The following HS3ST5 variants were observed in gnomAD, a reference collection of about 807,000 sequenced individuals.
The protein encoded by HS3ST5 is heparan sulfate-glucosamine 3-sulfotransferase 5, also known as heparan sulfate glucosamine 3-O-sulfotransferase 5.
HS3ST5 carries 10 observed loss-of-function variants against 25.4 expected under a neutral mutation model. The ratio of observed to expected loss-of-function variants is 0.39; its 90% CI spans 0.24 to 0.67. The LOEUF (loss-of-function observed/expected upper bound fraction) is 0.67, where lower values mean the gene tolerates loss of function less well. Ranked by LOEUF, HS3ST5 falls within the 30% of genes least tolerant of loss-of-function variation. The pLI is 0.44. For synonymous variants in HS3ST5, 170 were observed against 162.4 expected (o/e 1.05, Z -0.36); for missense variants, 324 against 420.7 (o/e 0.77, Z 2.01).
At chr6:114,068,535 C>T (rs2114724303) in intron 3 of HS3ST5, among the ~76,000 whole-genome samples, 1 of 152,166 alleles carries the variant, frequency 6.6e-6, no homozygotes, top group East Asian at 1.9e-4. Context: ...TGCTTTTGGT[C>T]TAGGAATATA....
At chr6:114,131,885 T>G (rs995108409) in intron 3 of HS3ST5, among the ~76,000 whole-genome samples, 3 of 152,228 alleles carry the variant, frequency 2.0e-5, no homozygotes, top group African/African-American at 7.2e-5. Flanking sequence ...GCCCTTTCAC[T>G]GGTGCCAAGG....
intron 1 of HS3ST5, among the ~76,000 whole-genome samples, chr6:114,317,810 T>C (rs1352324671): frequency 1.8e-5 from 1 of 55,180 alleles, no homozygotes. Flanking sequence ...GGCGGGGGGG[T>C]AGGCTGGAGG....
chr6:114,235,048 G>C (rs2114555563), intron 1 of HS3ST5, among the ~76,000 whole-genome samples: 1 of 152,170 alleles, frequency 6.6e-6, no homozygotes, highest in Non-Finnish European at 1.5e-5. Context: ...GCTTGAACCT[G>C]GGAGACGGAG....
At chr6:114,130,250 C>T (rs1462657608) in intron 3 of HS3ST5, among the ~76,000 whole-genome samples, 1 of 151,108 alleles carries the variant, frequency 6.6e-6, no homozygotes, top group African/African-American at 2.4e-5. Flanking sequence ...TTATCAAGCA[C>T]CACATATATA....
chr6:114,287,076 A>C (rs1195097309), intron 1 of HS3ST5, among the ~76,000 whole-genome samples: 1 of 152,006 alleles, frequency 6.6e-6, no homozygotes. Flanking sequence ...TATTTGAATA[A>C]CATAACCTTT....
At chr6:114,160,156 G>A (rs1202431274) in intron 3 of HS3ST5, among the ~76,000 whole-genome samples, 1 of 152,112 alleles carries the variant, frequency 6.6e-6, no homozygotes, top group Non-Finnish European at 1.5e-5. Flanking sequence ...TATGATGCCT[G>A]GCAGCAATAG....
intron 4 of HS3ST5, among the ~76,000 whole-genome samples, chr6:114,060,620 C>T (rs1361074226): frequency 6.6e-6 from 1 of 152,160 alleles, no homozygotes; most frequent in African/African-American, 2.4e-5. Flanking sequence ...ATTGAGGAAA[C>T]AGTCACTCAA....
chr6:114,257,530 T>A (rs1485741187), intron 1 of HS3ST5, among the ~76,000 whole-genome samples: 1 of 152,126 alleles, frequency 6.6e-6, no homozygotes, highest in South Asian at 2.1e-4. Context: ...GGCTTGTACA[T>A]CTCTACTCCT....
At chr6:114,337,525 G>A (rs1438669756) in intron 1 of HS3ST5, among the ~76,000 whole-genome samples, 3 of 152,038 alleles carry the variant, frequency 2.0e-5, no homozygotes, top group East Asian at 1.9e-4. Context: ...ATATGGCATC[G>A]GTTCTTAAAG....
chr6:114,279,179 A>G (rs920975976), intron 1 of HS3ST5, among the ~76,000 whole-genome samples: 1 of 152,002 alleles, frequency 6.6e-6, no homozygotes, highest in African/African-American at 2.4e-5. Flanking sequence ...GCCAATATTT[A>G]GATGTGTGTG....
intron 2 of HS3ST5, among the ~76,000 whole-genome samples, chr6:114,216,728 TAAA>T (rs760077446): frequency 1.4e-4 from 13 of 90,152 alleles, no homozygotes; most frequent in Non-Finnish European, 2.1e-4. Context: ...TCGTCCTCCT[TAAA>T]AAAAAAAAAA....
At chr6:114,135,460 G>A (rs1048747510) in intron 3 of HS3ST5, among the ~76,000 whole-genome samples, 3 of 152,160 alleles carry the variant, frequency 2.0e-5, no homozygotes, top group African/African-American at 4.8e-5. Context: ...AGAAACAGCA[G>A]GGAGCTGTTG....
At chr6:114,206,440 C>G (rs1466501009) in intron 2 of HS3ST5, among the ~76,000 whole-genome samples, 4 of 152,104 alleles carry the variant, frequency 2.6e-5, no homozygotes. Flanking sequence ...GACATTTCAG[C>G]AGAAATAAAA....
At chr6:114,340,227 G>A (rs1430998071) in intron 1 of HS3ST5, among the ~76,000 whole-genome samples, 1 of 152,108 alleles carries the variant, frequency 6.6e-6, no homozygotes, top group Non-Finnish European at 1.5e-5. Context: ...ATGAGCTCTG[G>A]CTCAACCTAG....
intron 1 of HS3ST5, among the ~76,000 whole-genome samples, chr6:114,331,837 T>G (rs1776410234): frequency 6.6e-6 from 1 of 152,100 alleles, no homozygotes; most frequent in Admixed American, 6.5e-5. Flanking sequence ...GTTTTCCATT[T>G]TGGTCATGGT....
At chr6:114,180,646 T>A (rs1335360753) in intron 2 of HS3ST5, among the ~76,000 whole-genome samples, 1 of 152,218 alleles carries the variant, frequency 6.6e-6, no homozygotes. Flanking sequence ...CTTGAACTTG[T>A]GTGCTTTTTC....
At chr6:114,183,336 G>T (rs1005810299) in intron 2 of HS3ST5, among the ~76,000 whole-genome samples, 1 of 152,102 alleles carries the variant, frequency 6.6e-6, no homozygotes, top group Non-Finnish European at 1.5e-5. Context: ...AACCCCTTTT[G>T]CCTGGCTCTC....
At chr6:114,165,588 T>C (rs1237592121) in intron 3 of HS3ST5, among the ~76,000 whole-genome samples, 1 of 152,178 alleles carries the variant, frequency 6.6e-6, no homozygotes, top group African/African-American at 2.4e-5. Flanking sequence ...AGTAATGTCA[T>C]GTGAGATGAG....
At chr6:114,205,710 A>T (rs1008243049) in intron 2 of HS3ST5, among the ~76,000 whole-genome samples, 6 of 152,054 alleles carry the variant, frequency 3.9e-5, no homozygotes, top group Non-Finnish European at 5.9e-5. Flanking sequence ...CAATTTTTTT[A>T]TGGACTCGGG....
Sources: allele counts gnomAD v4.1 joint callset (sites outside exome capture counted in the v4.1 genomes callset), GRCh38; gene constraint gnomAD v4.1.1; transcripts MANE v1.5; gene names NCBI Gene and HGNC (gene_info 2026-07-23, HGNC 2026-07-21).